Variants in LY6S observed in about 807,000 individuals in gnomAD.
LY6S encodes lymphocyte antigen 6 family member S, also known as lymphocyte antigen 6S.
chr8:143,053,974 A>G, the LY6S span: 2 of 152,072 alleles, frequency 1.3e-5, no homozygotes, highest in Non-Finnish European at 2.9e-5. Flanking sequence ...ACTCTAGCTC[A>G]ATATATCCTC....
At chr8:143,063,787 C>A in the LY6S span, among the ~76,000 whole-genome samples, 1 of 152,218 alleles carries the variant, frequency 6.6e-6, no homozygotes, top group African/African-American at 2.4e-5. Flanking sequence ...GGCATTTGCT[C>A]AGCCTGTCCG....
At chr8:143,050,445 T>G in the LY6S span, among the ~76,000 whole-genome samples, 1 of 152,040 alleles carries the variant, frequency 6.6e-6, no homozygotes, top group East Asian at 1.9e-4. Context: ...CCTCCTAAAG[T>G]GCTGGGATTA....
At chr8:143,072,362 G>C in the LY6S span, among the ~76,000 whole-genome samples, 1 of 119,522 alleles carries the variant, frequency 8.4e-6, no homozygotes, top group African/African-American at 3.4e-5. Flanking sequence ...CCTGTTTGAG[G>C]AGACAGCCGT....
chr8:143,065,799 C>CTTTCTTTCTTTCTTTA, the LY6S span: 1 of 143,992 alleles, frequency 6.9e-6, no homozygotes, highest in Admixed American at 7.3e-5. Context: ...TTCTTTCTTT[C>CTTTCTTTCTTTCTTTA]TTTCTTTCTT....
the LY6S span, among the ~76,000 whole-genome samples, chr8:143,063,334 T>C: frequency 6.6e-6 from 1 of 152,342 alleles, no homozygotes; most frequent in African/African-American, 2.4e-5. Context: ...TGGCAAGAAC[T>C]GTTTTAACGG....
chr8:143,063,699 T>A, the LY6S span, among the ~76,000 whole-genome samples: 1 of 152,208 alleles, frequency 6.6e-6, no homozygotes, highest in African/African-American at 2.4e-5. Context: ...GGCTCTTCAG[T>A]AGCGGGAAGT....
chr8:143,054,499 A>G, the LY6S span, among the ~76,000 whole-genome samples: 2 of 152,014 alleles, frequency 1.3e-5, no homozygotes, highest in Admixed American at 1.3e-4. Context: ...CTCTTATAGA[A>G]CCTCCACTGC....
At chr8:143,072,723 A>G in the LY6S span, among the ~76,000 whole-genome samples, 118 of 33,064 alleles carry the variant, frequency 3.6e-3, no homozygotes, top group African/African-American at 5.3e-3. Context: ...CGTCCTCGGG[A>G]TTCCTGTTTG....
At chr8:143,044,676 G>A in the LY6S span, 1 of 1,367,068 alleles carries the variant, frequency 7.3e-7, no homozygotes, top group Non-Finnish European at 9.8e-7. Flanking sequence ...GGCACCCCAG[G>A]GACTCACTGC....
the LY6S span, among the ~76,000 whole-genome samples, chr8:143,068,228 C>A: frequency 6.6e-6 from 1 of 152,208 alleles, no homozygotes; most frequent in Non-Finnish European, 1.5e-5. Context: ...AAGCATACTG[C>A]CTGCCAACAA....
the LY6S span, among the ~76,000 whole-genome samples, chr8:143,070,794 CTA>C: frequency 6.6e-6 from 1 of 151,954 alleles, no homozygotes; most frequent in Non-Finnish European, 1.5e-5. Flanking sequence ...CGCAGTTGCC[CTA>C]TGTTTTTATG....
chr8:143,052,138 A>G, the LY6S span, among the ~76,000 whole-genome samples: 1,312 of 141,658 alleles, frequency 9.3e-3, 12 homozygotes, highest in African/African-American at 0.031. Context: ...AAAATTAGCC[A>G]GGCGTGGTGG....
the LY6S span, among the ~76,000 whole-genome samples, chr8:143,056,169 A>G: frequency 6.8e-6 from 1 of 147,130 alleles, no homozygotes; most frequent in Non-Finnish European, 1.5e-5. Flanking sequence ...TGGCACTATC[A>G]CTTGTTATTT....
At chr8:143,042,606 G>A in the LY6S span, 3 of 185,000 alleles carry the variant, frequency 1.6e-5, no homozygotes, top group South Asian at 1.2e-4. Context: ...GAGTGCTGAC[G>A]CTGAGTGGGT....
the LY6S span, among the ~76,000 whole-genome samples, chr8:143,041,254 G>T: frequency 8.7e-4 from 132 of 152,246 alleles, no homozygotes; most frequent in Non-Finnish European, 1.7e-3. Context: ...AAAGGCAGCC[G>T]TCCCCAAAGC....
chr8:143,049,029 C>T, the LY6S span, among the ~76,000 whole-genome samples: 1 of 152,064 alleles, frequency 6.6e-6, no homozygotes, highest in Non-Finnish European at 1.5e-5. Context: ...CCACCTCAGT[C>T]GGGCCTGGAG....
the LY6S span, among the ~76,000 whole-genome samples, chr8:143,073,753 G>C: frequency 7.6e-6 from 1 of 132,262 alleles, no homozygotes; most frequent in Non-Finnish European, 1.5e-5. Flanking sequence ...ATTCCTGTTT[G>C]AGGAGACAGC....
At chr8:143,054,791 T>C in the LY6S span, among the ~76,000 whole-genome samples, 1 of 152,194 alleles carries the variant, frequency 6.6e-6, no homozygotes, top group Non-Finnish European at 1.5e-5. Flanking sequence ...TCCTCTCTAT[T>C]GGGATTAGCA....
chr8:143,050,464 A>G, the LY6S span, among the ~76,000 whole-genome samples: 1 of 152,070 alleles, frequency 6.6e-6, no homozygotes, highest in Non-Finnish European at 1.5e-5. Context: ...TACAGGAGTG[A>G]GCCAGCTTGC....
Sources: gnomAD v4.1 joint callset for allele counts (sites outside exome capture counted in the v4.1 genomes callset) on GRCh38, gnomAD v4.1.1 for gene constraint, MANE v1.5 for transcripts, NCBI Gene and HGNC (gene_info 2026-07-23, HGNC 2026-07-21) for gene names.